Variants in DUSP5 observed in about 807,000 individuals in gnomAD.
DUSP5 encodes dual specificity protein phosphatase 5.
DUSP5 carries 22 observed loss-of-function variants against 33.6 expected under a neutral mutation model. That is an observed-to-expected ratio of 0.66 (90% confidence interval 0.47 to 0.94). DUSP5 has a LOEUF of 0.94. DUSP5 is among the 40% of genes least tolerant of loss of function. DUSP5 has a pLI of 0.00. For missense variants in DUSP5, 551 were observed against 522.1 expected, an observed-to-expected ratio of 1.06 and a Z score of -0.54; for synonymous variants, 270 against 231.1, an observed-to-expected ratio of 1.17 and a Z score of -1.53.
chr10:110,510,385 G>A lies in DUSP5; in HGVS notation c.1114G>A (p.Glu372Lys). ...GGTGCCTACCCACTCAACAGTCTCA[G>A]AGCTCAGCAGAAGCCCTGTGGCAAC... ...APVPTHSTVS[E>K]LSRSPVATAT... Residue 372 changes from glutamate to lysine, a missense_variant, in exon 4 of 4, where the codon GAG (glutamate) becomes AAG (lysine). Around this residue, in one of 3 missense-constraint regions of DUSP5, gnomAD observed 158 missense variants for 181.8 expected, o/e 0.87. Transcript: ENST00000369583. 2.5e-6 allele frequency: 4 copies of A among 1,609,474 alleles called. No homozygotes were observed. Among genetic ancestry groups the A allele is most frequent in the Non-Finnish European group, 3.4e-6 (4 of 1,177,410 alleles).
chr10:110,505,309 G>A (rs1298521173), intron 2 of DUSP5, among the ~76,000 whole-genome samples: 1 of 152,176 alleles, frequency 6.6e-6, no homozygotes, highest in African/African-American at 2.4e-5. Flanking sequence ...TTGCCCATCC[G>A]TAAAATGGGA....
Position 110,498,013 on chromosome 10 carries a change from C to A in DUSP5, c.-109C>A, listed in dbSNP as rs1859976934. 4.3e-6 allele frequency: 4 copies of A among 926,462 alleles called. No homozygotes were observed. Among genetic ancestry groups the A allele is most frequent in the South Asian group, 9.8e-5 (2 of 20,496 alleles). The allele number at this position is 926,462 out of a possible 1,614,324, so 57.4% of individuals were successfully genotyped here. On this transcript the variant is annotated 5_prime_UTR_variant, in exon 1 of 4. Coordinates refer to ENST00000369583, the MANE Select transcript of DUSP5 (RefSeq NM_004419.4). ...GGGCTCCGTCGCGGCCGCAGCCCCG[C>A]GGGTCGCCCTCCCGTGCCTCGCCCG...
At chr10:110,503,434 T>A (rs1860081825) in intron 2 of DUSP5, 1 of 152,254 alleles carries the variant, frequency 6.6e-6, no homozygotes, top group African/African-American at 2.4e-5. Context: ...ATTCCACAGA[T>A]AACTGAAACC....
intron 2 of DUSP5, among the ~76,000 whole-genome samples, chr10:110,505,534 G>A (rs1415750344): frequency 6.6e-6 from 1 of 152,218 alleles, no homozygotes; most frequent in African/African-American, 2.4e-5. Flanking sequence ...CTCCGGGTGT[G>A]GGGTAAATTG....
chr10:110,498,291 G>C lies in DUSP5; in HGVS notation c.170G>C (p.Gly57Ala). 2 of 1,446,108 alleles carry C rather than the reference G, an allele frequency of 1.4e-6. No homozygotes were observed. The highest frequency in any genetic ancestry group is 1.8e-6 in the Non-Finnish European group (2 of 1,093,328). The allele number at this position is 1,446,108 out of a possible 1,614,324, so 89.6% of individuals were successfully genotyped here. A position where few individuals can be genotyped will look rare whatever the true frequency, so the allele number is the denominator to read the frequency against. ...LNSVVLRRAR[G>A]GAVSARYVLP... Reference sequence around the variant, plus strand: ...TCGGTGGTGCTGCGGCGGGCCCGGGGCGGCGCGGTGTCGGCGCGCTACGTG... The same window carrying C: ...TCGGTGGTGCTGCGGCGGGCCCGGGCCGGCGCGGTGTCGGCGCGCTACGTG... Residue 57 changes from glycine to alanine, a missense_variant, in exon 1 of 4, where the codon GGC becomes GCC. Transcript: ENST00000369583.
At position 110,498,171 on chromosome 10, in the gene DUSP5, A is replaced by G. The variant is rs747806841; in HGVS notation, c.50A>G (p.Lys17Arg). The change falls in exon 1 of 4, where the codon AAG (lysine) becomes AGG (arginine). Residue 17 changes from lysine (K) to arginine (R), a missense_variant. By Grantham distance (26) the Lys-to-Arg change is conservative. This residue lies in a region of DUSP5 where 381 missense variants were observed against 310.4 expected (regional missense o/e 1.23). Transcript: ENST00000369583. ...DGRQLRKMLR[K>R]EAAARCVVLD... is the part of the protein sequence containing the mutation. Reference sequence around the variant, plus strand: ...CGCCAGCTGCGCAAGATGCTCCGCAAGGAGGCGGCGGCGCGCTGCGTGGTG... The same window carrying G: ...CGCCAGCTGCGCAAGATGCTCCGCAGGGAGGCGGCGGCGCGCTGCGTGGTG... The G allele has an allele frequency of 2.0e-6, 3 of 1,488,098 alleles. No individual in the cohort carries two copies. Among genetic ancestry groups the G allele is most frequent in the Non-Finnish European group, 2.7e-6 (3 of 1,117,616 alleles). 92.2% of individuals were successfully genotyped at this position (1,488,098 alleles called of 1,614,324 possible).
At position 110,511,295 on chromosome 10, in the gene DUSP5, GTC is replaced by G. The variant is rs1250604220; in HGVS notation, c.*873_*874del. The G allele has an allele frequency of 6.6e-6, 1 of 152,564 alleles. No homozygotes were observed. The highest frequency in any genetic ancestry group is 1.5e-5 in the Non-Finnish European group (1 of 68,044). The allele number at this position is 152,564 out of a possible 1,614,324, so 9.5% of individuals were successfully genotyped here. On this transcript the variant is annotated 3_prime_UTR_variant, in exon 4 of 4. Coordinates refer to ENST00000369583, the MANE Select transcript of DUSP5 (RefSeq NM_004419.4). The stretch of plus-strand genomic sequence containing the variant: ...GCTGCCTGTCCTTCTGTGTGCTTAT[GTC>G]TCTTGTGACAATTGTTTTCCTCCCT...
At chr10:110,509,473 C>T (rs944755053) in intron 3 of DUSP5, among the ~76,000 whole-genome samples, 7 of 152,150 alleles carry the variant, frequency 4.6e-5, no homozygotes, top group African/African-American at 1.7e-4. Context: ...GACAGGGTGC[C>T]CGGAGAGACC....
intron 3 of DUSP5, among the ~76,000 whole-genome samples, chr10:110,508,342 A>G (rs1057207554): frequency 6.6e-6 from 1 of 151,958 alleles, no homozygotes; most frequent in African/African-American, 2.4e-5. Flanking sequence ...TCAGCCTGTT[A>G]TTTAATTACC....
chr10:110,511,514 GTAAAAT>G lies in DUSP5; in HGVS notation c.*1089_*1094del, dbSNP rs1403523144. ...TGTTGTTGTTCTTGTTTTTTATAGT[GTAAAAT>G]AAAAATAGTAAAAGGAGAAAAGCAC... is the stretch of plus-strand genomic sequence containing the variant. On this transcript the variant is annotated 3_prime_UTR_variant, in exon 4 of 4. Coordinates refer to ENST00000369583, the MANE Select transcript of DUSP5 (RefSeq NM_004419.4). The G allele has an allele frequency of 1.3e-5, 2 of 152,562 alleles. No individual in the cohort carries two copies. The highest frequency in any genetic ancestry group is 1.3e-4 in the Admixed American group (2 of 15,284). 9.5% of individuals were successfully genotyped at this position (152,562 alleles called of 1,614,324 possible).
chr10:110,509,996 C>T (rs1287798932), intron 3 of DUSP5, 24 bp from the exon 4 acceptor site: 2 of 1,558,468 alleles, frequency 1.3e-6, no homozygotes, highest in East Asian at 2.3e-5. Flanking sequence ...CCAACTCACT[C>T]CCACCATCTT....
chr10:110,499,610 G>T (rs979032806), intron 1 of DUSP5, among the ~76,000 whole-genome samples: 2 of 152,224 alleles, frequency 1.3e-5, no homozygotes, highest in East Asian at 3.8e-4. Flanking sequence ...GGGCCAGGAA[G>T]ATTCTGGAGA....
chr10:110,501,397 C>G (rs920022906), intron 1 of DUSP5, among the ~76,000 whole-genome samples: 1 of 152,050 alleles, frequency 6.6e-6, no homozygotes, highest in African/African-American at 2.4e-5. Flanking sequence ...TCTGGGTGTA[C>G]TAAGTGGGGG....
chr10:110,500,007 G>A (rs1386779342), intron 1 of DUSP5, among the ~76,000 whole-genome samples: 2 of 152,134 alleles, frequency 1.3e-5, no homozygotes, highest in Admixed American at 6.5e-5. Context: ...TTAAAAGAAG[G>A]TAACATATAC....
Position 110,510,122 on chromosome 10 carries a change from TC to T in DUSP5, c.853del (p.Arg285AlafsTer2). On this transcript the variant is annotated frameshift_variant, in exon 4 of 4. Transcript: ENST00000369583. LOFTEE classifies it high-confidence loss of function. ...GCTTACCTTATGAAGACCAAGCAGT[TC>T]CGCCTGAAGGAGGCCTTCGATTACA... is the stretch of plus-strand genomic sequence containing the variant. The part of the protein sequence containing the change: ...CMAYLMKTKQ[F>X]RLKEAFDYIK... 1 of 1,614,172 alleles carries T rather than the reference TC, an allele frequency of 6.2e-7. No individual in the cohort carries two copies. Among genetic ancestry groups the T allele is most frequent in the South Asian group, 1.1e-5 (1 of 91,084 alleles).
chr10:110,498,959 T>A (rs1860001834), intron 1 of DUSP5, among the ~76,000 whole-genome samples: 1 of 152,168 alleles, frequency 6.6e-6, no homozygotes, highest in South Asian at 2.1e-4. Flanking sequence ...TAGCCAGCTG[T>A]GGTCTTCACC....
At chr10:110,500,547 G>C (rs1234455806) in intron 1 of DUSP5, among the ~76,000 whole-genome samples, 1 of 152,162 alleles carries the variant, frequency 6.6e-6, no homozygotes, top group Non-Finnish European at 1.5e-5. Context: ...AGATCTTGGT[G>C]GGGGCAATGC....
chr10:110,506,843 T>C, intron 2 of DUSP5, 92 bp from the exon 3 acceptor site: 1 of 1,389,642 alleles, frequency 7.2e-7, no homozygotes, highest in Non-Finnish European at 1.0e-6. Context: ...ACCACCCATC[T>C]TAAGAAACAA....
chr10:110,509,875 T>C (rs1860164732), intron 3 of DUSP5, 145 bp from the exon 4 acceptor site: 1 of 1,109,292 alleles, frequency 9.0e-7, no homozygotes, highest in African/African-American at 1.6e-5. Context: ...GATTAAAGAC[T>C]GGCAGAAGTG....
Sources: gnomAD v4.1 joint callset for allele counts (sites outside exome capture counted in the v4.1 genomes callset) on GRCh38, gnomAD v4.1.1 for gene constraint, gnomAD v4.1.1 regional missense constraint, MANE v1.5 for transcripts, NCBI Gene and HGNC (gene_info 2026-07-23, HGNC 2026-07-21) for gene names.